The following C8orf34 variants were observed in gnomAD, a reference collection of about 807,000 sequenced individuals.
The protein encoded by C8orf34 is uncharacterized protein C8orf34.
C8orf34 carries 65 observed loss-of-function variants against 68.3 expected under a neutral mutation model. That is an observed-to-expected ratio of 0.95 (90% CI 0.78 to 1.17). C8orf34 has a LOEUF of 1.17. C8orf34 is among the 50% of genes most tolerant of loss of function. The pLI is 0.00. For missense variants in C8orf34, 664 were observed against 655.4 expected (o/e 1.01, Z -0.14); for synonymous variants, 244 against 241.2 (o/e 1.01, Z -0.11).
At chr8:68,563,890 C>CAGAT (rs141071175) in intron 7 of C8orf34, among the ~76,000 whole-genome samples, 32,910 of 151,828 alleles carry the variant, frequency 0.22, 4,686 homozygotes, top group African/African-American at 0.41. Context: ...GAAACAAAAT[C>CAGAT]AGGCAAAAGA....
At chr8:68,696,121 G>A (rs942053321) in intron 8 of C8orf34, among the ~76,000 whole-genome samples, 62 of 151,614 alleles carry the variant, frequency 4.1e-4, no homozygotes, top group Admixed American at 2.2e-3. Flanking sequence ...AGCGGTGATT[G>A]CGCAACTATA....
At chr8:68,725,755 A>C (rs531548906) in intron 10 of C8orf34, among the ~76,000 whole-genome samples, 1 of 152,318 alleles carries the variant, frequency 6.6e-6, no homozygotes, top group Non-Finnish European at 1.5e-5. Context: ...CCCAGTGCCC[A>C]AACTGTCTTT....
chr8:68,511,084 A>G (rs1323428282), intron 5 of C8orf34, among the ~76,000 whole-genome samples: 3 of 152,212 alleles, frequency 2.0e-5, no homozygotes, highest in Non-Finnish European at 2.9e-5. Flanking sequence ...ACTTTCTCCA[A>G]TTGTGTCCTG....
intron 10 of C8orf34, among the ~76,000 whole-genome samples, chr8:68,764,825 A>G (rs926422362): frequency 6.6e-6 from 1 of 152,162 alleles, no homozygotes; most frequent in Non-Finnish European, 1.5e-5. Context: ...CAATTTCGCA[A>G]AGTGTTCCTT....
At chr8:68,455,170 T>A (rs191941641) in intron 3 of C8orf34, among the ~76,000 whole-genome samples, 28 of 152,274 alleles carry the variant, frequency 1.8e-4, no homozygotes, top group Non-Finnish European at 3.2e-4. Flanking sequence ...TAACATAAGA[T>A]CTCTCCTAGA....
At chr8:68,379,154 T>C (rs1388874328) in intron 1 of C8orf34, among the ~76,000 whole-genome samples, 3 of 152,226 alleles carry the variant, frequency 2.0e-5, no homozygotes, top group Non-Finnish European at 4.4e-5. Flanking sequence ...TTAATTACAA[T>C]TGGACATGGC....
At chr8:68,607,713 C>G (rs1262028913) in intron 7 of C8orf34, among the ~76,000 whole-genome samples, 1 of 152,070 alleles carries the variant, frequency 6.6e-6, no homozygotes, top group East Asian at 1.9e-4. Flanking sequence ...GTAAATGAAC[C>G]TACAAGACTG....
chr8:68,768,231 G>A (rs1200375258), intron 10 of C8orf34, among the ~76,000 whole-genome samples: 1 of 152,156 alleles, frequency 6.6e-6, no homozygotes, highest in Admixed American at 6.5e-5. Flanking sequence ...GTCTCTGATA[G>A]CTTCCTTGCT....
chr8:68,799,734 G>A (rs1032646728), intron 12 of C8orf34, among the ~76,000 whole-genome samples: 2 of 152,160 alleles, frequency 1.3e-5, no homozygotes, highest in African/African-American at 4.8e-5. Context: ...AAGTCCATAA[G>A]CATCTGAAGC....
chr8:68,583,982 A>G (rs991389576), intron 7 of C8orf34, among the ~76,000 whole-genome samples: 5 of 152,116 alleles, frequency 3.3e-5, no homozygotes, highest in African/African-American at 4.8e-5. Flanking sequence ...GTCTGGTTAT[A>G]TCTATATATG....
chr8:68,478,287 G>C (rs577985317), intron 4 of C8orf34, among the ~76,000 whole-genome samples: 1 of 152,126 alleles, frequency 6.6e-6, no homozygotes, highest in Non-Finnish European at 1.5e-5. Context: ...AGCATAGCAA[G>C]AGTGACCTTT....
chr8:68,537,544 T>C (rs1815529973), intron 7 of C8orf34, among the ~76,000 whole-genome samples: 1 of 151,718 alleles, frequency 6.6e-6, no homozygotes, highest in African/African-American at 2.4e-5. Flanking sequence ...TCCTGATATA[T>C]TTTATAGGAG....
intron 7 of C8orf34, among the ~76,000 whole-genome samples, chr8:68,565,184 T>C (rs1218634636): frequency 6.6e-6 from 1 of 152,208 alleles, no homozygotes; most frequent in African/African-American, 2.4e-5. Flanking sequence ...TTTGCCCAGA[T>C]TGGCATCATT....
At chr8:68,341,243 A>G (rs950201085) in intron 1 of C8orf34, among the ~76,000 whole-genome samples, 1 of 152,170 alleles carries the variant, frequency 6.6e-6, no homozygotes, top group African/African-American at 2.4e-5. Flanking sequence ...GGACTCTTCT[A>G]AGGATGCCAA....
intron 7 of C8orf34, among the ~76,000 whole-genome samples, chr8:68,610,860 G>GTTTT (rs1491239070): frequency 4.2e-5 from 6 of 141,492 alleles, no homozygotes; most frequent in African/African-American, 1.4e-4. Flanking sequence ...GTGAATCTTT[G>GTTTT]GTTTTTTTTT....
intron 13 of C8orf34, among the ~76,000 whole-genome samples, chr8:68,817,589 A>G (rs766095806): frequency 9.2e-5 from 14 of 152,186 alleles, no homozygotes; most frequent in Non-Finnish European, 2.1e-4. Flanking sequence ...AATCAAAAAT[A>G]TTAAATATAA....
chr8:68,792,667 A>C (rs1042517583), intron 12 of C8orf34: 3 of 151,566 alleles, frequency 2.0e-5, no homozygotes, highest in Non-Finnish European at 2.9e-5. Flanking sequence ...GAAAAAGACA[A>C]AGAGATATTT....
chr8:68,398,945 G>A (rs1808834530), intron 1 of C8orf34, among the ~76,000 whole-genome samples: 3 of 152,040 alleles, frequency 2.0e-5, no homozygotes, highest in Admixed American at 6.6e-5. Context: ...TATTCTCAGA[G>A]GGTCTCCTTC....
At chr8:68,661,297 T>C (rs565820685) in intron 8 of C8orf34, among the ~76,000 whole-genome samples, 5 of 152,344 alleles carry the variant, frequency 3.3e-5, no homozygotes, top group African/African-American at 1.2e-4. Context: ...AGAAAAAGTC[T>C]GAGAGGAAGG....
Sources: gnomAD v4.1 joint callset for allele counts (sites outside exome capture counted in the v4.1 genomes callset) on GRCh38, gnomAD v4.1.1 for gene constraint, MANE v1.5 for transcripts, NCBI Gene and HGNC (gene_info 2026-07-23, HGNC 2026-07-21) for gene names.